Variants in SLC16A7 observed in about 807,000 individuals in gnomAD.
SLC16A7 encodes monocarboxylate transporter 2.
In SLC16A7, 33 loss-of-function variants were observed where a neutral mutation model predicts 34.9. That is an observed-to-expected ratio of 0.94 (90% confidence interval 0.72 to 1.26). SLC16A7 has a LOEUF of 1.26. Among genes scored for constraint, SLC16A7 ranks in the 50% most tolerant of loss-of-function variants. The pLI, the probability that SLC16A7 is intolerant of heterozygous loss-of-function variation, is 0.00. For missense variants in SLC16A7, 573 were observed against 578.1 expected, an observed-to-expected ratio of 0.99 and a Z score of 0.09; for synonymous variants, 201 against 206.6, an observed-to-expected ratio of 0.97 and a Z score of 0.23.
In SLC16A7 at chr12:59,756,191, T is replaced by G. The variant is rs528654853; in HGVS notation, c.218-15028T>G. Among the ~76,000 whole-genome samples, 409 of 151,820 alleles carry G rather than the reference T, an allele frequency of 2.7e-3. 1 individual carries two copies. The highest frequency in any genetic ancestry group is 4.8e-3 in the South Asian group (23 of 4,788). On this transcript the variant is annotated intron_variant, in intron 3 of 5. Transcript: ENST00000547379. Reference sequence around the variant, plus strand: ...CTAGGCATTACCATTCAGGACATAGTCATGGGCAAGGACTTCATGTCTAAA... The same window carrying G: ...CTAGGCATTACCATTCAGGACATAGGCATGGGCAAGGACTTCATGTCTAAA...
intron 1 of SLC16A7, among the ~76,000 whole-genome samples, chr12:59,624,896 G>T (rs1423400377): frequency 6.6e-6 from 1 of 151,642 alleles, no homozygotes; most frequent in Non-Finnish European, 1.5e-5. Context: ...CCTGGGCTTT[G>T]TGGCTTGTTA....
intron 3 of SLC16A7, among the ~76,000 whole-genome samples, chr12:59,765,162 C>T (rs1424581125): frequency 3.3e-5 from 5 of 152,124 alleles, no homozygotes; most frequent in Non-Finnish European, 7.3e-5. Flanking sequence ...ATCCTTCGCC[C>T]ACTTTTTGAT....
chr12:59,704,114 C>T (rs549833324), intron 2 of SLC16A7, among the ~76,000 whole-genome samples: 2 of 144,846 alleles, frequency 1.4e-5, no homozygotes, highest in South Asian at 2.2e-4. Context: ...GCAGGAGGAT[C>T]GCTTGAACCT....
intron 3 of SLC16A7, among the ~76,000 whole-genome samples, chr12:59,739,928 T>A (rs1878100404): frequency 6.6e-6 from 1 of 152,212 alleles, no homozygotes; most frequent in African/African-American, 2.4e-5. Context: ...GAGTTCATTG[T>A]AGATTCTGGA....
chr12:59,697,395 G>A (rs899944030), intron 2 of SLC16A7, among the ~76,000 whole-genome samples: 2 of 152,024 alleles, frequency 1.3e-5, no homozygotes, highest in African/African-American at 4.8e-5. Context: ...GCACACGCAC[G>A]TGGGTGCACA....
chr12:59,635,804 C>T (rs774868328), intron 1 of SLC16A7, among the ~76,000 whole-genome samples: 4 of 151,916 alleles, frequency 2.6e-5, no homozygotes, highest in Non-Finnish European at 5.9e-5. Flanking sequence ...GGAAGGTAGA[C>T]TGTATACTGC....
intron 1 of SLC16A7, among the ~76,000 whole-genome samples, chr12:59,597,838 A>G (rs1450180335): frequency 6.6e-6 from 1 of 152,210 alleles, no homozygotes; most frequent in Non-Finnish European, 1.5e-5. Flanking sequence ...TGCAAATACA[A>G]CAACAGTTTG....
rs549971007 is a variant in SLC16A7, at chr12:59,789,175, C to A, written c.*9496C>A. 6.6e-6 allele frequency: 1 copy of A among 151,990 alleles called. No individual in the cohort carries two copies. Among genetic ancestry groups the A allele is most frequent in the African/African-American group, 2.4e-5 (1 of 41,412 alleles). 9.4% of individuals were successfully genotyped at this position (151,990 alleles called of 1,614,324 possible). On this transcript the variant is annotated 3_prime_UTR_variant, in exon 6 of 6. Coordinates refer to ENST00000547379, the MANE Select transcript of SLC16A7 (RefSeq NM_001270623.2). Reference sequence around the variant, plus strand: ...GACAACTTTAATATCTAGCAAAGTGCCAGGCATAGAGTATTCCTTTATTGA... The same window carrying A: ...GACAACTTTAATATCTAGCAAAGTGACAGGCATAGAGTATTCCTTTATTGA...
intron 3 of SLC16A7, among the ~76,000 whole-genome samples, chr12:59,713,727 A>G (rs1226532696): frequency 6.6e-6 from 1 of 152,184 alleles, no homozygotes; most frequent in African/African-American, 2.4e-5. Context: ...GCCTTGCACA[A>G]TCATTGCCTG....
chr12:59,697,846 G>T (rs1318300882), intron 2 of SLC16A7, among the ~76,000 whole-genome samples: 2 of 151,746 alleles, frequency 1.3e-5, no homozygotes, highest in East Asian at 1.9e-4. Context: ...ACAGCAGATG[G>T]CATAATGGGT....
rs1327013011 is a variant in SLC16A7 at position 59,785,891 on chromosome 12, T to C, written c.*6212T>C. On this transcript the variant is annotated 3_prime_UTR_variant, in exon 6 of 6. Coordinates refer to ENST00000547379, the MANE Select transcript of SLC16A7 (RefSeq NM_001270623.2). The stretch of plus-strand genomic sequence containing the variant: ...AATAGAATAAGTTCGTGTAGGGACA[T>C]GGATGAAATTAGAAATCATCATTCT... The C allele has an allele frequency of 1.3e-5, 2 of 150,324 alleles. No homozygotes were observed. The highest frequency in any genetic ancestry group is 4.0e-4 in the East Asian group (2 of 4,968). The allele number at this position is 150,324 out of a possible 1,614,324, so 9.3% of individuals were successfully genotyped here. A position where few individuals can be genotyped will look rare whatever the true frequency, so the allele number is the denominator to read the frequency against.
intron 2 of SLC16A7, among the ~76,000 whole-genome samples, chr12:59,655,710 T>C (rs1171219597): frequency 6.6e-6 from 1 of 151,922 alleles, no homozygotes; most frequent in African/African-American, 2.4e-5. Flanking sequence ...TATTGGGGTT[T>C]TTTTACGTTC....
intron 3 of SLC16A7, among the ~76,000 whole-genome samples, chr12:59,713,000 T>C (rs1874422566): frequency 6.6e-6 from 1 of 151,598 alleles, no homozygotes; most frequent in Non-Finnish European, 1.5e-5. Context: ...TGTTTTCTTT[T>C]CTTTTCTTTT....
chr12:59,639,137 C>T (rs1264049090), intron 1 of SLC16A7, among the ~76,000 whole-genome samples: 1 of 152,122 alleles, frequency 6.6e-6, no homozygotes. Context: ...CTTTATCCTT[C>T]TGTATTCTGA....
chr12:59,681,551 A>T (rs1368124173), intron 2 of SLC16A7, among the ~76,000 whole-genome samples: 1 of 152,188 alleles, frequency 6.6e-6, no homozygotes, highest in African/African-American at 2.4e-5. Flanking sequence ...TTTCCTAACC[A>T]AATTATTTCC....
intron 3 of SLC16A7, chr12:59,719,946 A>T (rs1693606): frequency 3.4e-6 from 2 of 595,082 alleles, no homozygotes; most frequent in Non-Finnish European, 5.9e-6. Flanking sequence ...TATTATAAAC[A>T]TGCTAATCTT....
In SLC16A7 at chr12:59,780,658, T is replaced by A. The variant is rs1208093168; in HGVS notation, c.*979T>A. Reference sequence around the variant, plus strand: ...TAATCAGGCATCAATCCAGATTCACTGTTATACTGAAATATCAAAGTAAAA... The same window carrying A: ...TAATCAGGCATCAATCCAGATTCACAGTTATACTGAAATATCAAAGTAAAA... On this transcript the variant is annotated 3_prime_UTR_variant, in exon 6 of 6. Coordinates refer to ENST00000547379, the MANE Select transcript of SLC16A7 (RefSeq NM_001270623.2). 1.3e-5 allele frequency: 2 copies of A among 152,162 alleles called. No homozygotes were observed. Among genetic ancestry groups the A allele is most frequent in the African/African-American group, 4.8e-5 (2 of 41,446 alleles). The allele number at this position is 152,162 out of a possible 1,614,324, so 9.4% of individuals were successfully genotyped here.
chr12:59,704,640 T>C lies in SLC16A7; in HGVS notation c.-30-132T>C, dbSNP rs141206843. The C allele has an allele frequency of 5.0e-4, 296 of 591,830 alleles. 1 individual carries two copies. The highest frequency in any genetic ancestry group is 4.9e-3 in the African/African-American group (264 of 53,964). The allele number at this position is 591,830 out of a possible 1,614,324, so 36.7% of individuals were successfully genotyped here. A position where few individuals can be genotyped will look rare whatever the true frequency, so the allele number is the denominator to read the frequency against. On this transcript the variant is annotated intron_variant, in intron 2 of 5. Transcript: ENST00000547379. Reference sequence around the variant, plus strand: ...ACATTTTCTGGTAATTTTCTGAGTATAAGAGTGTGAAAAATATTCATGAAA... The same window carrying C: ...ACATTTTCTGGTAATTTTCTGAGTACAAGAGTGTGAAAAATATTCATGAAA...
intron 3 of SLC16A7, among the ~76,000 whole-genome samples, chr12:59,748,311 G>A (rs1879119739): frequency 6.6e-6 from 1 of 152,092 alleles, no homozygotes; most frequent in African/African-American, 2.4e-5. Flanking sequence ...ACAAACATAA[G>A]GACACGGTAT....
Sources: gnomAD v4.1 joint callset for allele counts (sites outside exome capture counted in the v4.1 genomes callset) on GRCh38, gnomAD v4.1.1 for gene constraint, MANE v1.5 for transcripts, NCBI Gene and HGNC (gene_info 2026-07-23, HGNC 2026-07-21) for gene names.